The following CNKSR3 variants were observed in gnomAD, a reference collection of about 807,000 sequenced individuals.
CNKSR3 encodes connector enhancer of kinase suppressor of ras 3.
A neutral mutation model predicts 67.7 loss-of-function variants in CNKSR3; 36 were observed. That is an observed-to-expected ratio of 0.53 (90% CI 0.41 to 0.70). The LOEUF (loss-of-function observed/expected upper bound fraction) is 0.70. Ranked by LOEUF, CNKSR3 falls within the 30% of genes least tolerant of loss-of-function variation. The pLI, the probability that CNKSR3 is intolerant of heterozygous loss-of-function variation, is 0.00. For missense variants in CNKSR3, 630 were observed against 695.2 expected, an observed-to-expected ratio of 0.91 and a Z score of 1.05; for synonymous variants, 281 against 271.4, an observed-to-expected ratio of 1.04 and a Z score of -0.35.
intron 2 of CNKSR3, among the ~76,000 whole-genome samples, chr6:154,447,135 C>T (rs914221834): frequency 6.6e-6 from 1 of 152,086 alleles, no homozygotes; most frequent in African/African-American, 2.4e-5. Context: ...TCATACTTAT[C>T]CTTATTGGTT....
intron 7 of CNKSR3, among the ~76,000 whole-genome samples, chr6:154,423,549 C>CACCCG (rs1785191565): frequency 1.3e-5 from 2 of 152,142 alleles, no homozygotes; most frequent in Non-Finnish European, 2.9e-5. Flanking sequence ...TGAGCCACCG[C>CACCCG]GCCCAGTCTG....
At chr6:154,415,228 ATTT>A (rs35873703) in intron 9 of CNKSR3, among the ~76,000 whole-genome samples, 3 of 118,108 alleles carry the variant, frequency 2.5e-5, no homozygotes, top group Non-Finnish European at 3.4e-5. Context: ...CTAGCTGCCC[ATTT>A]TTTTTTTTTT....
At chr6:154,460,343 G>A (rs1335519665) in intron 1 of CNKSR3, among the ~76,000 whole-genome samples, 1 of 152,122 alleles carries the variant, frequency 6.6e-6, no homozygotes, top group African/African-American at 2.4e-5. Context: ...TAATACTGAG[G>A]GCAGGGAAGA....
rs1327583125 is a variant in CNKSR3, at chr6:154,398,998, G to C, written c.*7356C>G. On this transcript the variant is annotated 3_prime_UTR_variant, in exon 13 of 13. Transcript: ENST00000607772. ...GGAGTCTGAGGCAGGAGAATCACTT[G>C]AACCCAGTAGGCGGAAGTTGCGGTG... The C allele has an allele frequency of 6.6e-6, 1 of 151,694 alleles. No individual in the cohort carries two copies. The highest frequency in any genetic ancestry group is 1.5e-5 in the Non-Finnish European group (1 of 68,066). 9.4% of individuals were successfully genotyped at this position (151,694 alleles called of 1,614,324 possible).
intron 1 of CNKSR3, among the ~76,000 whole-genome samples, chr6:154,485,102 T>A (rs1040566770): frequency 1.3e-5 from 2 of 152,030 alleles, no homozygotes; most frequent in Admixed American, 1.3e-4. Context: ...AACTTTTAAG[T>A]TCAAAGTACA....
chr6:154,434,043 G>C (rs1785422369), intron 4 of CNKSR3: 1 of 152,102 alleles, frequency 6.6e-6, no homozygotes, highest in Non-Finnish European at 1.5e-5. Context: ...AGATGAAAAG[G>C]GTTCAACAAA....
At chr6:154,409,907 C>A (rs528642460) in intron 12 of CNKSR3, among the ~76,000 whole-genome samples, 1 of 128,062 alleles carries the variant, frequency 7.8e-6, no homozygotes, top group East Asian at 2.4e-4. Context: ...ATTAGCCAGC[C>A]GTGGTGGCGT....
At chr6:154,482,519 G>A (rs992206474) in intron 1 of CNKSR3, among the ~76,000 whole-genome samples, 13 of 152,228 alleles carry the variant, frequency 8.5e-5, no homozygotes, top group African/African-American at 1.7e-4. Context: ...AAAATTTGAG[G>A]TTTATCTAAA....
intron 1 of CNKSR3, among the ~76,000 whole-genome samples, 156 bp downstream of exon 1, chr6:154,509,904 TAGG>T (rs1266936615): frequency 6.6e-6 from 1 of 152,140 alleles, no homozygotes; most frequent in Admixed American, 6.5e-5. Context: ...GTACGAGAGA[TAGG>T]AGCGCACAGG....
rs1329913461 is a variant in CNKSR3, at chr6:154,403,612, T to G, written c.*2742A>C. 1 of 151,986 alleles carries G rather than the reference T, an allele frequency of 6.6e-6. No homozygotes were observed. The highest frequency in any genetic ancestry group is 1.5e-5 in the Non-Finnish European group (1 of 68,024). The allele number at this position is 151,986 out of a possible 1,614,324, so 9.4% of individuals were successfully genotyped here. On this transcript the variant is annotated 3_prime_UTR_variant, in exon 13 of 13. Transcript: ENST00000607772. ...GTAGAGGTTTACAAAGGTTTTTTTT[T>G]TTTAGCAGCAATATATTTTTCAAAC...
intron 1 of CNKSR3, among the ~76,000 whole-genome samples, chr6:154,466,797 T>TG (rs1195271447): frequency 1.3e-5 from 2 of 150,806 alleles, no homozygotes; most frequent in African/African-American, 4.9e-5. Context: ...TTTTTTTGTT[T>TG]TTTTTTTTTA....
At position 154,397,016 on chromosome 6, in the gene CNKSR3, C is replaced by T. The variant is rs1784668394; in HGVS notation, c.*9338G>A. ...AGAGACGGGGTTTCACCGTGTTAGCCAGGATGGTCTCGATCTCCTGACCTT... is the reference window on the plus strand; with the variant it reads ...AGAGACGGGGTTTCACCGTGTTAGCTAGGATGGTCTCGATCTCCTGACCTT... On this transcript the variant is annotated 3_prime_UTR_variant, in exon 13 of 13. Coordinates refer to ENST00000607772, the MANE Select transcript of CNKSR3 (RefSeq NM_173515.4). 6.6e-6 allele frequency: 1 copy of T among 151,816 alleles called. No homozygotes were observed. The highest frequency in any genetic ancestry group is 2.4e-5 in the African/African-American group (1 of 41,294). 9.4% of individuals were successfully genotyped at this position (151,816 alleles called of 1,614,324 possible). A position where few individuals can be genotyped will look rare whatever the true frequency, so the allele number is the denominator to read the frequency against.
rs1784617645 is a variant in CNKSR3, at chr6:154,392,424, G to C, written c.*13930C>G. On this transcript the variant is annotated 3_prime_UTR_variant, in exon 13 of 13. Transcript: ENST00000607772. ...TTCTACAAAGGCAGATGGCCAAACA[G>C]CACACATAACAGGCACCCTAGAGAC... The C allele has an allele frequency of 6.6e-6, 1 of 152,230 alleles. No individual in the cohort carries two copies. Among genetic ancestry groups the C allele is most frequent in the African/African-American group, 2.4e-5 (1 of 41,452 alleles). 9.4% of individuals were successfully genotyped at this position (152,230 alleles called of 1,614,324 possible).
intron 7 of CNKSR3, among the ~76,000 whole-genome samples, 164 bp from the exon 8 acceptor site, chr6:154,423,147 C>A (rs1242166757): frequency 1.3e-5 from 2 of 152,186 alleles, no homozygotes; most frequent in Non-Finnish European, 2.9e-5. Context: ...GTCTATAGGA[C>A]CTTAACACAT....
chr6:154,445,574 T>C (rs1785691922), intron 2 of CNKSR3, among the ~76,000 whole-genome samples: 3 of 152,196 alleles, frequency 2.0e-5, no homozygotes, highest in African/African-American at 7.2e-5. Flanking sequence ...TCACCATAAA[T>C]TACTTGGAAC....
At chr6:154,414,507 C>G in intron 9 of CNKSR3, 84 bp from the exon 10 acceptor site, 1 of 1,407,634 alleles carries the variant, frequency 7.1e-7, no homozygotes, top group Non-Finnish European at 9.8e-7. Context: ...TCCCCCAAAC[C>G]AACACCAACC....
intron 1 of CNKSR3, among the ~76,000 whole-genome samples, chr6:154,462,818 T>C (rs1786108947): frequency 6.6e-6 from 1 of 152,306 alleles, no homozygotes; most frequent in East Asian, 1.9e-4. Context: ...CCTGTGACTG[T>C]TTATGTGTTC....
At chr6:154,420,533 C>CA (rs2128713471) in intron 9 of CNKSR3, among the ~76,000 whole-genome samples, 2 of 150,956 alleles carry the variant, frequency 1.3e-5, no homozygotes, top group South Asian at 2.1e-4. Context: ...ACTAAAAATA[C>CA]AAAAAATTAG....
Position 154,396,099 on chromosome 6 carries a change from AC to A in CNKSR3, c.*10254del, listed in dbSNP as rs1784658662. The A allele has an allele frequency of 6.6e-6, 1 of 152,236 alleles. No individual in the cohort carries two copies. Among genetic ancestry groups the A allele is most frequent in the Non-Finnish European group, 1.5e-5 (1 of 68,062 alleles). 9.4% of individuals were successfully genotyped at this position (152,236 alleles called of 1,614,324 possible). ...CTCTCCTTCAATCAAATGTTATACAACTGCAACTGTCCTCCACGTCGCCTCC... is the reference window on the plus strand; with the variant it reads ...CTCTCCTTCAATCAAATGTTATACAATGCAACTGTCCTCCACGTCGCCTCC... On this transcript the variant is annotated 3_prime_UTR_variant, in exon 13 of 13. Coordinates refer to ENST00000607772, the MANE Select transcript of CNKSR3 (RefSeq NM_173515.4).
Sources: allele counts gnomAD v4.1 joint callset (sites outside exome capture counted in the v4.1 genomes callset), GRCh38; gene constraint gnomAD v4.1.1; transcripts MANE v1.5; gene names NCBI Gene and HGNC (gene_info 2026-07-23, HGNC 2026-07-21).